The following PCDH11X variants were observed in gnomAD, a reference collection of about 807,000 sequenced individuals.
PCDH11X encodes protocadherin-11 X-linked.
PCDH11X carries 18 observed loss-of-function variants against 53.3 expected under a neutral mutation model. That is an observed-to-expected ratio of 0.34 (90% CI 0.23 to 0.50). The LOEUF (loss-of-function observed/expected upper bound fraction) is 0.50. Among genes scored for constraint, PCDH11X ranks in the 20% least tolerant of loss-of-function variants. The pLI, the probability that PCDH11X is intolerant of heterozygous loss-of-function variation, is 0.98. For synonymous variants in PCDH11X, 279 were observed against 393.3 expected, an observed-to-expected ratio of 0.71 and a Z score of 3.44; for missense variants, 570 against 1,032.4, an observed-to-expected ratio of 0.55 and a Z score of 6.14.
At chrX:92,529,410 T>A (rs2074515609) in intron 10 of PCDH11X, among the ~76,000 whole-genome samples, 1 of 109,014 alleles carries the variant, frequency 9.2e-6, no homozygotes, top group African/African-American at 3.3e-5. Flanking sequence ...TAAAGCTTTC[T>A]AGATTTTTAC....
At chrX:92,530,499 T>C (rs1241963613) in intron 10 of PCDH11X, among the ~76,000 whole-genome samples, 7 of 112,189 alleles carry the variant, frequency 6.2e-5, no homozygotes, top group African/African-American at 2.3e-4. Flanking sequence ...GTTTAGCATT[T>C]TCCTAATTCT....
chrX:91,934,066 T>C (rs1569264278), intron 6 of PCDH11X, among the ~76,000 whole-genome samples: 1 of 111,824 alleles, frequency 8.9e-6, no homozygotes, highest in Admixed American at 9.5e-5. Context: ...AGGACAATAA[T>C]AAAACTAACA....
chrX:92,487,738 G>T (rs1325154681), intron 10 of PCDH11X, among the ~76,000 whole-genome samples: 1 of 110,702 alleles, frequency 9.0e-6, no homozygotes, highest in Non-Finnish European at 1.9e-5. Flanking sequence ...TATAGAAAGG[G>T]TTTTCACCTC....
intron 8 of PCDH11X, among the ~76,000 whole-genome samples, chrX:92,371,489 T>C (rs772039613): frequency 1.2e-4 from 13 of 106,355 alleles, no homozygotes; most frequent in African/African-American, 4.1e-4. Flanking sequence ...TAAAACATTA[T>C]ACTCCTCAGA....
chrX:92,534,486 A>T (rs1373320059), intron 10 of PCDH11X, among the ~76,000 whole-genome samples: 20 of 111,833 alleles, frequency 1.8e-4, no homozygotes, highest in Non-Finnish European at 3.2e-4. Flanking sequence ...ACTCTTCAGG[A>T]TATTATCCAG....
intron 10 of PCDH11X, among the ~76,000 whole-genome samples, chrX:92,509,643 G>T (rs915223448): frequency 9.0e-6 from 1 of 111,380 alleles, no homozygotes; most frequent in African/African-American, 3.3e-5. Flanking sequence ...TGTTTGTTCT[G>T]CATTTTAAGA....
intron 6 of PCDH11X, among the ~76,000 whole-genome samples, chrX:92,004,831 A>T (rs1374229713): frequency 2.1e-5 from 2 of 93,248 alleles, no homozygotes; most frequent in Non-Finnish European, 4.1e-5. Flanking sequence ...GCTGGAATAC[A>T]GTGGCCCAAG....
intron 7 of PCDH11X, among the ~76,000 whole-genome samples, chrX:92,234,594 C>T: frequency 9.0e-6 from 1 of 111,524 alleles, no homozygotes; most frequent in East Asian, 2.8e-4. Context: ...TGTGTATATA[C>T]ATAATTTGCA....
chrX:91,887,346 T>C (rs1415521215), intron 6 of PCDH11X, among the ~76,000 whole-genome samples: 2 of 111,225 alleles, frequency 1.8e-5, no homozygotes, highest in Admixed American at 9.6e-5. Context: ...TGACTTAGCT[T>C]CCTAGAATAT....
At chrX:92,088,889 A>G (rs2064002566) in intron 6 of PCDH11X, among the ~76,000 whole-genome samples, 1 of 110,436 alleles carries the variant, frequency 9.1e-6, no homozygotes, top group Middle Eastern at 4.3e-3. Flanking sequence ...TTAATATTTC[A>G]CGTTGTTATA....
chrX:92,348,335 G>C (rs2069952926), intron 8 of PCDH11X, among the ~76,000 whole-genome samples: 2 of 110,115 alleles, frequency 1.8e-5, no homozygotes, highest in Admixed American at 9.8e-5. Flanking sequence ...CTGTGTTAAA[G>C]TAGTAAATGC....
chrX:92,146,548 T>C (rs1384781050), intron 6 of PCDH11X, among the ~76,000 whole-genome samples: 3 of 111,960 alleles, frequency 2.7e-5, no homozygotes, highest in African/African-American at 9.7e-5. Context: ...GGGATATCTC[T>C]GAGCAAGTCA....
chrX:92,321,286 T>G (rs1295680542), intron 8 of PCDH11X, among the ~76,000 whole-genome samples: 13 of 102,102 alleles, frequency 1.3e-4, no homozygotes, highest in South Asian at 5.0e-4. Flanking sequence ...TCCGCCACCC[T>G]GGTTCACGCC....
chrX:91,824,246 C>T (rs898220384), intron 4 of PCDH11X, among the ~76,000 whole-genome samples: 2 of 111,050 alleles, frequency 1.8e-5, no homozygotes, highest in East Asian at 5.7e-4. Context: ...GGGAAGTTCT[C>T]CTGGATAATA....
chrX:92,357,071 G>A (rs1444802419), intron 8 of PCDH11X, among the ~76,000 whole-genome samples: 1 of 110,626 alleles, frequency 9.0e-6, no homozygotes, highest in Non-Finnish European at 1.9e-5. Flanking sequence ...TCAATGGCGA[G>A]TGGAATGGCC....
At chrX:92,104,159 G>T (rs918262059) in intron 6 of PCDH11X, among the ~76,000 whole-genome samples, 13 of 111,089 alleles carry the variant, frequency 1.2e-4, no homozygotes, top group African/African-American at 1.6e-4. Context: ...CTGGGCAGGT[G>T]GGGGAGTGCT....
At position 92,147,167 on chromosome X, in the gene PCDH11X, G is replaced by T. The variant is rs771766087; in HGVS notation, c.3034-54208G>T. The stretch of plus-strand genomic sequence containing the variant: ...TTCAGAAAGAGGGAATTGAAATATG[G>T]AAAGTTTAATTCTTCAAACCGTTAG... On this transcript the variant is annotated intron_variant, in intron 6 of 10. Transcript: ENST00000682573. Among the ~76,000 whole-genome samples, 9 of 108,447 alleles carry T rather than the reference G, an allele frequency of 8.3e-5. 1 individual carries two copies. The South Asian group carries it at 3.5e-3, about 42-fold the overall frequency. The allele number at this position is 108,447 out of a possible 115,157, so 94.2% of individuals were successfully genotyped here.
intron 10 of PCDH11X, among the ~76,000 whole-genome samples, chrX:92,569,449 G>A (rs2148771861): frequency 9.3e-6 from 1 of 107,591 alleles, no homozygotes; most frequent in African/African-American, 3.4e-5. Flanking sequence ...ATGGGTTAAT[G>A]CACACTCAGA....
intron 6 of PCDH11X, among the ~76,000 whole-genome samples, chrX:92,127,419 T>C (rs2064886683): frequency 1.8e-5 from 2 of 111,475 alleles, no homozygotes; most frequent in South Asian, 7.4e-4. Context: ...TTTTGAGAAT[T>C]GAAACAGCAG....
Sources: allele counts gnomAD v4.1 joint callset (sites outside exome capture counted in the v4.1 genomes callset), GRCh38; gene constraint gnomAD v4.1.1; transcripts MANE v1.5; gene names NCBI Gene and HGNC (gene_info 2026-07-23, HGNC 2026-07-21).